Variants in LUZP2 observed in about 807,000 individuals in gnomAD.
The protein encoded by LUZP2 is leucine zipper protein 2.
A neutral mutation model predicts 51.6 loss-of-function variants in LUZP2; 52 were observed. That is an observed-to-expected ratio of 1.01 (90% CI 0.81 to 1.27). The LOEUF is 1.27. Ranked by LOEUF, LUZP2 falls within the 50% of genes most tolerant of loss-of-function variation. LUZP2 has a pLI of 0.00. For missense variants in LUZP2, 436 were observed against 395.4 expected, an observed-to-expected ratio of 1.10 and a Z score of -0.87; for synonymous variants, 154 against 137.3, an observed-to-expected ratio of 1.12 and a Z score of -0.85.
intron 1 of LUZP2, among the ~76,000 whole-genome samples, chr11:24,715,059 G>A (rs558026152): frequency 6.6e-6 from 1 of 152,118 alleles, no homozygotes; most frequent in Non-Finnish European, 1.5e-5. Flanking sequence ...AGTTGCTTAG[G>A]TAACTGACAT....
intron 1 of LUZP2, among the ~76,000 whole-genome samples, chr11:24,592,983 A>T (rs1033079695): frequency 4.6e-5 from 7 of 152,100 alleles, no homozygotes; most frequent in Non-Finnish European, 8.8e-5. Flanking sequence ...CCCTGAAGGG[A>T]CACAAAATGG....
chr11:24,960,583 G>A (rs11028301), intron 7 of LUZP2, among the ~76,000 whole-genome samples: 67,018 of 151,512 alleles, frequency 0.44, 15,468 homozygotes, highest in Non-Finnish European at 0.5. Context: ...CTGTGGGATC[G>A]GTGGTGATAT....
intron 5 of LUZP2, among the ~76,000 whole-genome samples, chr11:24,802,634 T>C (rs1173146460): frequency 6.6e-6 from 1 of 151,998 alleles, no homozygotes; most frequent in Non-Finnish European, 1.5e-5. Flanking sequence ...ACTCTGTGCC[T>C]ATTGAACAGT....
chr11:24,969,196 G>C (rs574711163), intron 7 of LUZP2, among the ~76,000 whole-genome samples: 2 of 151,962 alleles, frequency 1.3e-5, no homozygotes, highest in Admixed American at 1.3e-4. Context: ...AGTGTCTGTT[G>C]TTTCCTTCTT....
At chr11:24,628,765 G>T (rs1272889015) in intron 1 of LUZP2, among the ~76,000 whole-genome samples, 2 of 152,026 alleles carry the variant, frequency 1.3e-5, no homozygotes, top group Non-Finnish European at 1.5e-5. Context: ...CACCGTGTTG[G>T]CCAGGCTGAT....
chr11:24,898,901 C>G (rs1300390601), intron 5 of LUZP2, among the ~76,000 whole-genome samples: 1 of 151,520 alleles, frequency 6.6e-6, no homozygotes, highest in Non-Finnish European at 1.5e-5. Flanking sequence ...AAAATAAACT[C>G]TGAGTTAAGA....
chr11:24,977,963 T>C (rs896506634), intron 8 of LUZP2, among the ~76,000 whole-genome samples: 1 of 151,628 alleles, frequency 6.6e-6, no homozygotes, highest in African/African-American at 2.4e-5. Context: ...TTAGTAACCA[T>C]TTATTTGCGA....
chr11:24,829,435 T>G (rs1564953558), intron 5 of LUZP2, among the ~76,000 whole-genome samples: 1 of 152,128 alleles, frequency 6.6e-6, no homozygotes, highest in Non-Finnish European at 1.5e-5. Flanking sequence ...AACTTTAATT[T>G]TGAAATTTAG....
chr11:24,669,759 G>T (rs997725864), intron 1 of LUZP2, among the ~76,000 whole-genome samples: 1 of 151,950 alleles, frequency 6.6e-6, no homozygotes, highest in Admixed American at 6.6e-5. Context: ...ATGCAAAATA[G>T]GCACCTGGTC....
intron 10 of LUZP2, among the ~76,000 whole-genome samples, chr11:25,063,520 G>A (rs1229305853): frequency 5.3e-5 from 8 of 151,788 alleles, no homozygotes; most frequent in African/African-American, 1.4e-4. Flanking sequence ...AACAGTAAAT[G>A]TATAGTTTTT....
chr11:25,037,052 G>C (rs1427492194), intron 9 of LUZP2, among the ~76,000 whole-genome samples: 1 of 152,066 alleles, frequency 6.6e-6, no homozygotes, highest in Non-Finnish European at 1.5e-5. Context: ...TGTTAATGGA[G>C]TGTTGAAGTC....
At chr11:24,852,415 T>C (rs1022967977) in intron 5 of LUZP2, among the ~76,000 whole-genome samples, 3 of 152,174 alleles carry the variant, frequency 2.0e-5, no homozygotes, top group African/African-American at 4.8e-5. Flanking sequence ...CTTGTGCAGT[T>C]TTGAGTGAGT....
chr11:24,982,556 A>C (rs912753351), intron 8 of LUZP2, among the ~76,000 whole-genome samples: 3 of 151,792 alleles, frequency 2.0e-5, no homozygotes, highest in Non-Finnish European at 4.4e-5. Flanking sequence ...AAATGATGAG[A>C]ACTTAGGAAG....
chr11:24,805,969 G>A (rs574262639), intron 5 of LUZP2, among the ~76,000 whole-genome samples: 6 of 152,320 alleles, frequency 3.9e-5, no homozygotes, highest in South Asian at 2.1e-4. Context: ...TAAGAAAAGT[G>A]TGTCTTGGCA....
At chr11:24,906,151 CT>C (rs1415379571) in intron 6 of LUZP2, 98 bp downstream of exon 6, 2 of 666,046 alleles carry the variant, frequency 3.0e-6, no homozygotes, top group Non-Finnish European at 5.0e-6. Context: ...CTTTTTCCTC[CT>C]AATACAAATG....
chr11:24,962,227 T>G (rs974482209), intron 7 of LUZP2, among the ~76,000 whole-genome samples: 1 of 152,196 alleles, frequency 6.6e-6, no homozygotes. Flanking sequence ...TTATGTGTCT[T>G]GGAGTTGCTC....
intron 5 of LUZP2, among the ~76,000 whole-genome samples, chr11:24,814,324 A>G (rs1850109090): frequency 6.7e-6 from 1 of 148,382 alleles, no homozygotes; most frequent in Non-Finnish European, 1.5e-5. Context: ...GAAGTACTTC[A>G]TGGATATGTA....
intron 9 of LUZP2, among the ~76,000 whole-genome samples, chr11:24,991,462 A>G (rs1856342435): frequency 6.8e-6 from 1 of 147,484 alleles, no homozygotes; most frequent in Non-Finnish European, 1.5e-5. Context: ...TTCTTTATCC[A>G]CTTGTTGATT....
chr11:24,900,482 C>T (rs529742667), intron 5 of LUZP2, among the ~76,000 whole-genome samples: 40 of 152,302 alleles, frequency 2.6e-4, no homozygotes, highest in Admixed American at 5.9e-4. Flanking sequence ...CATAAGGGAA[C>T]ATCCCTGAAA....
Sources: allele counts gnomAD v4.1 joint callset (sites outside exome capture counted in the v4.1 genomes callset), GRCh38; gene constraint gnomAD v4.1.1; transcripts MANE v1.5; gene names NCBI Gene and HGNC (gene_info 2026-07-23, HGNC 2026-07-21).